Variants in CABIN1 observed in about 807,000 individuals in gnomAD.
CABIN1 encodes the protein calcineurin-binding protein cabin-1.
CABIN1 carries 133 observed loss-of-function variants against 227.7 expected under a neutral mutation model. The ratio of observed to expected loss-of-function variants is 0.58; its 90% CI spans 0.51 to 0.67. The LOEUF (loss-of-function observed/expected upper bound fraction) is 0.67, where lower values mean the gene tolerates loss of function less well. Among genes scored for constraint, CABIN1 ranks in the 30% least tolerant of loss-of-function variants. The pLI is 0.00. For missense variants in CABIN1, 2,408 were observed against 2,852.5 expected (o/e 0.84, Z 3.55); for synonymous variants, 1,086 against 1,155.1 (o/e 0.94, Z 1.21).
At chr22:24,071,111 A>G in intron 17 of CABIN1, 69 bp downstream of exon 17, 2 of 1,601,754 alleles carry the variant, frequency 1.2e-6, no homozygotes, top group Non-Finnish European at 1.7e-6. Flanking sequence ...CTGCTTCTTC[A>G]GTAGTTCATA....
rs1011318434 is a variant in CABIN1 at position 24,166,572 on chromosome 22, C to T, written c.5008-67C>T. 1.9e-6 allele frequency: 3 copies of T among 1,602,870 alleles called. No individual in the cohort carries two copies. In the African/African-American group the frequency reaches 4.0e-5, roughly 21 times the overall value. ...AGAGGCCCAGGTTGGGCTCACCAGCCCCCAGAGGTGACTCATTGCAGTGGA... is the reference window on the plus strand; with the variant it reads ...AGAGGCCCAGGTTGGGCTCACCAGCTCCCAGAGGTGACTCATTGCAGTGGA... On this transcript the variant is annotated intron_variant, in intron 31 of 36. Coordinates refer to ENST00000263119, the MANE Select transcript of CABIN1 (RefSeq NM_012295.4).
intron 22 of CABIN1, among the ~76,000 whole-genome samples, chr22:24,086,287 A>G (rs1275063080): frequency 2.0e-5 from 3 of 152,186 alleles, no homozygotes. Context: ...AGTGAGGGTG[A>G]TAAAACCCAC....
intron 26 of CABIN1, chr22:24,102,419 G>T (rs1199168107): frequency 6.6e-6 from 1 of 152,338 alleles, no homozygotes; most frequent in Middle Eastern, 3.1e-3. Context: ...CTGGGGCTGA[G>T]CCTCTCTATG....
At chr22:24,065,221 C>A (rs1462291628) in intron 15 of CABIN1, among the ~76,000 whole-genome samples, 1 of 151,160 alleles carries the variant, frequency 6.6e-6, no homozygotes, top group South Asian at 2.1e-4. Context: ...GGGCGGCTGC[C>A]GGTTGGAGGG....
intron 35 of CABIN1, among the ~76,000 whole-genome samples, chr22:24,176,634 G>A (rs1026842709): frequency 2.0e-5 from 3 of 152,174 alleles, no homozygotes; most frequent in South Asian, 4.1e-4. Context: ...TGGACAGGGC[G>A]GAGCATGGGC....
intron 27 of CABIN1, among the ~76,000 whole-genome samples, chr22:24,117,945 A>G (rs974538551): frequency 6.6e-6 from 1 of 152,230 alleles, no homozygotes; most frequent in African/African-American, 2.4e-5. Context: ...CCCCTGTAAG[A>G]TGGGTGCCAG....
intron 26 of CABIN1, among the ~76,000 whole-genome samples, chr22:24,105,334 G>T (rs1018655483): frequency 6.6e-6 from 1 of 152,226 alleles, no homozygotes; most frequent in African/African-American, 2.4e-5. Context: ...CAGAGGGAAG[G>T]CTGGCGTGGC....
At chr22:24,027,676 C>A (rs2036192324) in intron 1 of CABIN1, among the ~76,000 whole-genome samples, 1 of 152,236 alleles carries the variant, frequency 6.6e-6, no homozygotes, top group Non-Finnish European at 1.5e-5. Context: ...CAAGGATGGG[C>A]TTGTTACAGA....
chr22:24,160,967 C>A (rs1414737615), intron 29 of CABIN1, among the ~76,000 whole-genome samples: 1 of 152,240 alleles, frequency 6.6e-6, no homozygotes, highest in Non-Finnish European at 1.5e-5. Context: ...CATGCCCTCC[C>A]TCTGTGGACC....
rs1167173633 is a variant in CABIN1, at chr22:24,164,496, C to T, written c.4843C>T (p.Gln1615Ter). 6.2e-7 allele frequency: 1 copy of T among 1,606,330 alleles called. No individual in the cohort carries two copies. Among genetic ancestry groups the T allele is most frequent in the Non-Finnish European group, 8.5e-7 (1 of 1,179,974 alleles). ...CGTGCTGCTGCTCAAGGTGCTGGCC[C>T]AGCTGCGGGACCACAGCACCCTGCT... is the stretch of plus-strand genomic sequence containing the variant. ...SIVLLLKVLA[Q>*]LRDHSTLLKV... The change falls in exon 30 of 37, where the codon CAG (glutamine) becomes TAG (stop). Residue 1615 changes from glutamine (Q) to a stop codon, truncating the protein, a stop_gained. Transcript: ENST00000263119. LOFTEE classifies it high-confidence loss of function.
Position 24,178,519 on chromosome 22 carries a change from C to A in CABIN1, c.*323C>A. On this transcript the variant is annotated 3_prime_UTR_variant, in exon 37 of 37. Transcript: ENST00000263119. Reference sequence around the variant, plus strand: ...CACCCAGCTGGCCATATCCACCCCTCGACGCCGGGATGAGCCGGCTCTGCC... The same window carrying A: ...CACCCAGCTGGCCATATCCACCCCTAGACGCCGGGATGAGCCGGCTCTGCC... 1 of 390,964 alleles carries A rather than the reference C, an allele frequency of 2.6e-6. No individual in the cohort carries two copies. Among genetic ancestry groups the A allele is most frequent in the Non-Finnish European group, 4.9e-6 (1 of 205,654 alleles). The allele number at this position is 390,964 out of a possible 1,614,324, so 24.2% of individuals were successfully genotyped here. A position where few individuals can be genotyped will look rare whatever the true frequency, so the allele number is the denominator to read the frequency against.
intron 29 of CABIN1, among the ~76,000 whole-genome samples, chr22:24,136,735 A>ACG (rs1555977726): frequency 7.0e-6 from 1 of 142,742 alleles, no homozygotes; most frequent in Non-Finnish European, 1.5e-5. Context: ...TCACACACAC[A>ACG]CACGCACACA....
chr22:24,107,518 A>C (rs1175711320), intron 26 of CABIN1, among the ~76,000 whole-genome samples: 1 of 152,166 alleles, frequency 6.6e-6, no homozygotes, highest in Admixed American at 6.5e-5. Context: ...GAGTCTCAGC[A>C]GAGTCCCCAC....
chr22:24,063,132 T>C lies in CABIN1; in HGVS notation c.1870T>C (p.Phe624Leu). ...CCGTGTTTACTGGCTGAAGGCTCGC[T>C]TCCTGGCGCTGCAGGTTAGTTCCAT... ...VVRVYWLKAR[F>L]LALQGDMEQA... The change falls in exon 14 of 37, where the codon TTC becomes CTC. Residue 624 changes from phenylalanine to leucine, a missense_variant. Physicochemically the swap from Phe to Leu is conservative, Grantham distance 22. Coordinates refer to ENST00000263119, the MANE Select transcript of CABIN1 (RefSeq NM_012295.4). 1 of 1,614,138 alleles carries C rather than the reference T, an allele frequency of 6.2e-7. No individual in the cohort carries two copies. The highest frequency in any genetic ancestry group is 8.5e-7 in the Non-Finnish European group (1 of 1,179,994).
chr22:24,078,348 T>TC (rs2040577720), intron 19 of CABIN1, among the ~76,000 whole-genome samples: 1 of 152,194 alleles, frequency 6.6e-6, no homozygotes. Context: ...TTCATTAATT[T>TC]CCCCAGAAAT....
At chr22:24,119,038 AC>A (rs1238486572) in intron 27 of CABIN1, among the ~76,000 whole-genome samples, 1 of 151,966 alleles carries the variant, frequency 6.6e-6, no homozygotes, top group Non-Finnish European at 1.5e-5. Flanking sequence ...GCTTCCCCAT[AC>A]CCCAGCCCCA....
At chr22:24,018,281 T>G (rs2035452043) in intron 1 of CABIN1, among the ~76,000 whole-genome samples, 1 of 152,206 alleles carries the variant, frequency 6.6e-6, no homozygotes, top group Non-Finnish European at 1.5e-5. Flanking sequence ...TAAATTTTTT[T>G]TTGTCATGCA....
At chr22:24,168,650 A>G in intron 33 of CABIN1, 129 bp downstream of exon 33, 1 of 816,238 alleles carries the variant, frequency 1.2e-6, no homozygotes, top group Non-Finnish European at 2.1e-6. Flanking sequence ...CTGAGGGGAG[A>G]TGAGCAGGGG....
At chr22:24,098,343 A>G (rs2042017494) in intron 26 of CABIN1, 151 bp downstream of exon 26, 2 of 1,457,846 alleles carry the variant, frequency 1.4e-6, no homozygotes, top group Admixed American at 3.9e-5. Flanking sequence ...CATTAACCTC[A>G]TGGATTCACA....
Sources: allele counts gnomAD v4.1 joint callset (sites outside exome capture counted in the v4.1 genomes callset), GRCh38; gene constraint gnomAD v4.1.1; transcripts MANE v1.5; gene names NCBI Gene and HGNC (gene_info 2026-07-23, HGNC 2026-07-21).